ICA1L: variants seen among roughly 807,000 people sequenced by gnomAD.
The protein encoded by ICA1L is islet cell autoantigen 1 like, also known as islet cell autoantigen 1-like protein.
Under a neutral mutation model 61.3 loss-of-function variants are expected in ICA1L, and 50 were observed. The observed-to-expected ratio is 0.82, with a 90% CI of 0.65 to 1.03. The LOEUF is 1.03. Among genes scored for constraint, ICA1L ranks in the 50% least tolerant of loss-of-function variants. The pLI is 0.00. For synonymous variants in ICA1L, 161 were observed against 191.3 expected (o/e 0.84, Z 1.31); for missense variants, 508 against 556.7 (o/e 0.91, Z 0.88).
intron 1 of ICA1L, chr2:202,869,712 G>C (rs1687640724): frequency 6.6e-6 from 1 of 151,582 alleles, no homozygotes; most frequent in South Asian, 2.1e-4. Context: ...AATTAAAAAA[G>C]GAATTTTAGT....
chr2:202,793,968 G>A (rs561550415), intron 10 of ICA1L, among the ~76,000 whole-genome samples: 52 of 144,444 alleles, frequency 3.6e-4, no homozygotes, highest in Middle Eastern at 3.9e-3. Context: ...CCGGGGCAAC[G>A]AGTTAAACTC....
At chr2:202,841,694 G>A (rs917138047) in intron 1 of ICA1L, 13 of 533,244 alleles carry the variant, frequency 2.4e-5, no homozygotes, top group East Asian at 2.0e-4. Flanking sequence ...GGGCCCACGC[G>A]CATAGGAGCA....
intron 1 of ICA1L, among the ~76,000 whole-genome samples, chr2:202,839,949 T>A (rs980259126): frequency 2.0e-5 from 3 of 152,112 alleles, no homozygotes; most frequent in Non-Finnish European, 4.4e-5. Context: ...CAACTTAACT[T>A]TGATTGTATA....
chr2:202,863,046 C>A (rs990233425), intron 1 of ICA1L, among the ~76,000 whole-genome samples: 4 of 151,836 alleles, frequency 2.6e-5, no homozygotes, highest in African/African-American at 7.3e-5. Context: ...AATCCCAACA[C>A]TTTGGGAGGC....
intron 9 of ICA1L, among the ~76,000 whole-genome samples, chr2:202,808,326 G>A (rs760782407): frequency 1.3e-4 from 20 of 152,056 alleles, no homozygotes; most frequent in Non-Finnish European, 2.1e-4. Context: ...GAGTATCAGC[G>A]ATAGCCAGGC....
intron 12 of ICA1L, among the ~76,000 whole-genome samples, chr2:202,781,434 C>T (rs908478022): frequency 1.3e-5 from 2 of 151,588 alleles, no homozygotes; most frequent in Non-Finnish European, 2.9e-5. Flanking sequence ...ATTAGCAGGG[C>T]GTGGTGGCGC....
rs1574315498 is a variant in ICA1L, at chr2:202,777,033, C to T, written c.*2500G>A. 1 of 129,490 alleles carries T rather than the reference C, an allele frequency of 7.7e-6. No individual in the cohort carries two copies. Among genetic ancestry groups the T allele is most frequent in the South Asian group, 2.4e-4 (1 of 4,134 alleles). The allele number at this position is 129,490 out of a possible 1,614,324, so 8.0% of individuals were successfully genotyped here. On this transcript the variant is annotated 3_prime_UTR_variant, in exon 13 of 13. Coordinates refer to ENST00000358299, the MANE Select transcript of ICA1L (RefSeq NM_001288622.3). ...AGAAAAATGGTACAAACTCTCAAGA[C>T]ATAAAGTTAGCTTTTTTTTTTTTTT...
At chr2:202,787,946 C>A (rs1043612761) in intron 11 of ICA1L, among the ~76,000 whole-genome samples, 1 of 152,170 alleles carries the variant, frequency 6.6e-6, no homozygotes, top group Non-Finnish European at 1.5e-5. Flanking sequence ...AGGCCCACGT[C>A]CAAGCTCCAT....
In ICA1L at chr2:202,774,075, A is replaced by G. The variant is rs1692137689; in HGVS notation, c.*5458T>C. On this transcript the variant is annotated 3_prime_UTR_variant, in exon 13 of 13. Coordinates refer to ENST00000358299, the MANE Select transcript of ICA1L (RefSeq NM_001288622.3). ...TTTGATGTGTCATCCTAGCTGCCTA[A>G]TATGATAATATTAGGAATCCCATCA... The G allele has an allele frequency of 9.8e-7, 1 of 1,019,098 alleles. No individual in the cohort carries two copies. Among genetic ancestry groups the G allele is most frequent in the South Asian group, 1.4e-5 (1 of 70,150 alleles). The allele number at this position is 1,019,098 out of a possible 1,614,324, so 63.1% of individuals were successfully genotyped here.
chr2:202,840,622 C>T (rs1694300496), intron 1 of ICA1L: 1 of 578,118 alleles, frequency 1.7e-6, no homozygotes, highest in Admixed American at 1.9e-5. Context: ...AGATGGTGAT[C>T]TTGATGTCCA....
Position 202,817,420 on chromosome 2 carries a change from G to C in ICA1L, c.682C>G (p.Gln228Glu), listed in dbSNP as rs1413960676. ...NMLSHSLTTY[Q>E]RTLLGFWKKT... Reference sequence around the variant, plus strand: ...ATGCTGACCATGGAGGTGGGTACCTGGTAGGTAGTGAGCGAATGAGATAGC... The same window carrying C: ...ATGCTGACCATGGAGGTGGGTACCTCGTAGGTAGTGAGCGAATGAGATAGC... Residue 228 changes from glutamine (Q) to glutamate (E), a missense_variant and splice_region_variant, in exon 6 of 13, where the codon CAG becomes GAG. Physicochemically the swap from Gln to Glu is conservative, Grantham distance 29. Transcript: ENST00000358299. 1.9e-6 allele frequency: 3 copies of C among 1,582,992 alleles called. No individual in the cohort carries two copies. Among genetic ancestry groups the C allele is most frequent in the Non-Finnish European group, 2.6e-6 (3 of 1,163,102 alleles).
Position 202,773,987 on chromosome 2 carries a change from T to C in ICA1L, c.*5546A>G. On this transcript the variant is annotated 3_prime_UTR_variant, in exon 13 of 13. Coordinates refer to ENST00000358299, the MANE Select transcript of ICA1L (RefSeq NM_001288622.3). ...CTGTGTTTTAAAAGGTATATGGTAC[T>C]AAGAAGAGTTGGCTGTTTTATTTTT... The C allele has an allele frequency of 2.2e-6, 2 of 917,808 alleles. No individual in the cohort carries two copies. Among genetic ancestry groups the C allele is most frequent in the East Asian group, 5.1e-5 (2 of 38,980 alleles). The allele number at this position is 917,808 out of a possible 1,614,324, so 56.9% of individuals were successfully genotyped here.
At chr2:202,845,305 A>T (rs183645737) in intron 1 of ICA1L, among the ~76,000 whole-genome samples, 14 of 152,232 alleles carry the variant, frequency 9.2e-5, no homozygotes, top group Admixed American at 7.9e-4. Context: ...TATTTAGCAA[A>T]AGGATAGGCT....
At chr2:202,815,553 T>A (rs1693509420) in intron 7 of ICA1L, among the ~76,000 whole-genome samples, 1 of 152,206 alleles carries the variant, frequency 6.6e-6, no homozygotes, top group African/African-American at 2.4e-5. Flanking sequence ...TTCCATCACT[T>A]GTTCCTCTTA....
chr2:202,825,828 C>G (rs548043793), intron 2 of ICA1L, 61 bp from the exon 3 acceptor site: 278 of 972,966 alleles, frequency 2.9e-4, no homozygotes, highest in Middle Eastern at 2.4e-3. Context: ...ATGTTATAAG[C>G]ACCCCAAAAG....
Position 202,793,494 on chromosome 2 carries a change from T to TAAA in ICA1L, c.985+3393_985+3395dup, listed in dbSNP as rs755015399. 2.6e-3 allele frequency among the ~76,000 whole-genome samples: 83 copies of TAAA among 31,352 alleles called. 2 individuals are homozygous for TAAA. The highest frequency in any genetic ancestry group is 0.016 in the East Asian group (9 of 576). The allele number at this position is 31,352 out of a possible 152,430, so 20.6% of individuals were successfully genotyped here. ...CAACATGGCAATATCCCGTCTCTAC[T>TAAA]AAAAAAAAAAAAAAAAAAAAAAAAA... is the stretch of plus-strand genomic sequence containing the variant. On this transcript the variant is annotated intron_variant, in intron 10 of 12. Transcript: ENST00000358299.
At chr2:202,806,224 A>C (rs1693222660) in intron 9 of ICA1L, among the ~76,000 whole-genome samples, 1 of 152,080 alleles carries the variant, frequency 6.6e-6, no homozygotes, top group Non-Finnish European at 1.5e-5. Flanking sequence ...AAGGAGAGTA[A>C]AGGGGACTTT....
chr2:202,850,082 A>G (rs558424463), intron 1 of ICA1L, among the ~76,000 whole-genome samples: 27 of 152,316 alleles, frequency 1.8e-4, no homozygotes, highest in African/African-American at 6.3e-4. Context: ...CCTAACAAAC[A>G]GAAAGCAATA....
rs1692295078 is a variant in ICA1L at position 202,778,527 on chromosome 2, C to T, written c.*1006G>A. 6.6e-6 allele frequency: 1 copy of T among 152,154 alleles called. No homozygotes were observed. The highest frequency in any genetic ancestry group is 6.5e-5 in the Admixed American group (1 of 15,280). 9.4% of individuals were successfully genotyped at this position (152,154 alleles called of 1,614,324 possible). A position where few individuals can be genotyped will look rare whatever the true frequency, so the allele number is the denominator to read the frequency against. On this transcript the variant is annotated 3_prime_UTR_variant, in exon 13 of 13. Transcript: ENST00000358299. ...TTCTGTATGTCTGCCAGAAAGTATTCTGGGTTAAATAATTATGTCACAAAA... is the reference window on the plus strand; with the variant it reads ...TTCTGTATGTCTGCCAGAAAGTATTTTGGGTTAAATAATTATGTCACAAAA...
Sources: allele counts gnomAD v4.1 joint callset (sites outside exome capture counted in the v4.1 genomes callset), GRCh38; gene constraint gnomAD v4.1.1; transcripts MANE v1.5; gene names NCBI Gene and HGNC (gene_info 2026-07-23, HGNC 2026-07-21).